The following VPS35 variants were observed in gnomAD, a reference collection of about 807,000 sequenced individuals.
The protein encoded by VPS35 is vacuolar protein sorting-associated protein 35.
A neutral mutation model predicts 98.1 loss-of-function variants in VPS35; 21 were observed. That is an observed-to-expected ratio of 0.21 (90% CI 0.15 to 0.31). The LOEUF is 0.31. VPS35 is among the 10% of genes least tolerant of loss of function. The probability of loss-of-function intolerance (pLI) is 1.00; values close to 1 mark genes in which losing one functional copy is unlikely to be tolerated. For synonymous variants in VPS35, 268 were observed against 318.2 expected, an observed-to-expected ratio of 0.84 and a Z score of 1.68; for missense variants, 554 against 950.8, an observed-to-expected ratio of 0.58 and a Z score of 5.49.
In VPS35 at chr16:46,682,119, G is replaced by A. The variant is rs1312745564; in HGVS notation, c.159C>T (p.Leu53=). The A allele has an allele frequency of 6.2e-7, 1 of 1,613,534 alleles. No individual in the cohort carries two copies. The highest frequency in any genetic ancestry group is 8.5e-7 in the Non-Finnish European group (1 of 1,179,626). Residue 53 remains leucine, a synonymous_variant, in exon 3 of 17, where the codon CTC becomes CTT. Coordinates refer to ENST00000299138, the MANE Select transcript of VPS35 (RefSeq NM_018206.6). ...LKHASNMLGE[L]RTSMLSPKSY... ...TCTTTGGTGATAACATAGAAGTCCG[G>A]AGTTCACCAAGCATATTAGAAGCAT...
intron 13 of VPS35, among the ~76,000 whole-genome samples, chr16:46,664,426 G>A (rs532025113): frequency 6.6e-6 from 1 of 152,282 alleles, no homozygotes; most frequent in East Asian, 1.9e-4. Context: ...CAAAGTGCTA[G>A]GATTACTGGC....
rs1015458114 is a variant in VPS35, at chr16:46,657,765, A to G, written c.*2707T>C. 5.9e-5 allele frequency: 9 copies of G among 152,168 alleles called. No homozygotes were observed. Among genetic ancestry groups the G allele is most frequent in the African/African-American group, 1.9e-4 (8 of 41,418 alleles). The allele number at this position is 152,168 out of a possible 1,614,324, so 9.4% of individuals were successfully genotyped here. On this transcript the variant is annotated 3_prime_UTR_variant, in exon 17 of 17. Coordinates refer to ENST00000299138, the MANE Select transcript of VPS35 (RefSeq NM_018206.6). The stretch of plus-strand genomic sequence containing the variant: ...AGGAAAGGGAGGGTAGGAAAGTCTA[A>G]CACGGCAGGCATCTCTCATCCAGTC...
chr16:46,660,429 C>T lies in VPS35; in HGVS notation c.*43G>A, dbSNP rs765392455. The stretch of plus-strand genomic sequence containing the variant: ...GGGAAACCTAGCGTAATAAAACCCT[C>T]ACTGGATGTACATGGAAAGGAGTAT... On this transcript the variant is annotated 3_prime_UTR_variant, in exon 17 of 17. Coordinates refer to ENST00000299138, the MANE Select transcript of VPS35 (RefSeq NM_018206.6). 3.1e-6 allele frequency: 5 copies of T among 1,608,330 alleles called. No individual in the cohort carries two copies. In the South Asian group the frequency reaches 5.5e-5, roughly 18 times the overall value.
chr16:46,657,280 T>G lies in VPS35; in HGVS notation c.*3192A>C, dbSNP rs1212353848. Reference sequence around the variant, plus strand: ...CAAACAGGAAGGTCTCCTGCACAGATTTCTCTACCTTTCATTTACAATATG... The same window carrying G: ...CAAACAGGAAGGTCTCCTGCACAGAGTTCTCTACCTTTCATTTACAATATG... On this transcript the variant is annotated 3_prime_UTR_variant, in exon 17 of 17. Transcript: ENST00000299138. 2.0e-5 allele frequency: 3 copies of G among 152,318 alleles called. No individual in the cohort carries two copies. The highest frequency in any genetic ancestry group is 3.9e-4 in the East Asian group (2 of 5,178). The allele number at this position is 152,318 out of a possible 1,614,324, so 9.4% of individuals were successfully genotyped here. A position where few individuals can be genotyped will look rare whatever the true frequency, so the allele number is the denominator to read the frequency against.
intron 1 of VPS35, chr16:46,688,866 G>A: frequency 1.4e-6 from 2 of 1,430,506 alleles, no homozygotes; most frequent in Non-Finnish European, 1.8e-6. Flanking sequence ...GGACCCCAAA[G>A]CCTACATGCC....
At chr16:46,662,858 G>T in intron 14 of VPS35, 125 bp downstream of exon 14, 3 of 1,024,156 alleles carry the variant, frequency 2.9e-6, no homozygotes, top group Non-Finnish European at 4.5e-6. Flanking sequence ...CCATGATGGT[G>T]GGAAGGTGGT....
chr16:46,673,946 AT>A (rs201856691), intron 10 of VPS35: 799 of 203,492 alleles, frequency 3.9e-3, no homozygotes, highest in South Asian at 7.6e-3. Context: ...TTTTTTTGGG[AT>A]TTTTTTTTTA....
chr16:46,683,901 T>C (rs1966273646), intron 1 of VPS35, among the ~76,000 whole-genome samples: 1 of 152,162 alleles, frequency 6.6e-6, no homozygotes, highest in African/African-American at 2.4e-5. Flanking sequence ...ATTTTTTTTC[T>C]ATTTTTAGTA....
In VPS35 at chr16:46,689,177, G is replaced by A. The variant is rs1399919740; in HGVS notation, c.-44C>T. On this transcript the variant is annotated 5_prime_UTR_variant, in exon 1 of 17. In the 5' UTR this introduces an upstream ATG that the reference lacks. Coordinates refer to ENST00000299138, the MANE Select transcript of VPS35 (RefSeq NM_018206.6). The stretch of plus-strand genomic sequence containing the variant: ...GCAGCAAGCAGCACCCGCCCCGCGC[G>A]TAGCCTCCCGCGGTCATGTGACGCT... The A allele has an allele frequency of 6.3e-7, 1 of 1,599,296 alleles. No individual in the cohort carries two copies. Among genetic ancestry groups the A allele is most frequent in the Non-Finnish European group, 8.5e-7 (1 of 1,174,192 alleles).
intron 12 of VPS35, 91 bp downstream of exon 12, chr16:46,671,614 A>T (rs1567265520): frequency 6.5e-7 from 1 of 1,549,680 alleles, no homozygotes; most frequent in East Asian, 2.3e-5. Flanking sequence ...AAACCATCTA[A>T]GACCAGAAAG....
chr16:46,679,294 GTGTTAAAT>G, intron 5 of VPS35, 138 bp from the exon 6 acceptor site: 1 of 815,114 alleles, frequency 1.2e-6, no homozygotes, highest in South Asian at 1.7e-5. Context: ...CATTGGCTTA[GTGTTAAAT>G]TTCAAAGGGA....
intron 11 of VPS35, 128 bp downstream of exon 11, chr16:46,672,137 T>C (rs1596716998): frequency 3.6e-6 from 3 of 844,488 alleles, no homozygotes; most frequent in African/African-American, 1.7e-5. Flanking sequence ...TTAATTTATA[T>C]AATGAAAAAG....
intron 13 of VPS35, among the ~76,000 whole-genome samples, chr16:46,667,218 G>A (rs576772861): frequency 6.6e-6 from 1 of 152,194 alleles, no homozygotes; most frequent in Non-Finnish European, 1.5e-5. Flanking sequence ...GATAAATGAT[G>A]TTGAACATCT....
chr16:46,678,385 A>G (rs1326974953), intron 6 of VPS35, among the ~76,000 whole-genome samples: 2 of 151,640 alleles, frequency 1.3e-5, no homozygotes, highest in Non-Finnish European at 2.9e-5. Flanking sequence ...GGCCATATTC[A>G]AGGCTGTCCT....
chr16:46,688,208 CAG>C (rs1480514669), intron 1 of VPS35: 16 of 637,104 alleles, frequency 2.5e-5, no homozygotes, highest in Non-Finnish European at 2.9e-5. Flanking sequence ...CCTATCTACA[CAG>C]AGTGAGTAAG....
At chr16:46,688,629 C>A in intron 1 of VPS35, 1 of 1,011,582 alleles carries the variant, frequency 9.9e-7, no homozygotes, top group Non-Finnish European at 1.2e-6. Context: ...GGGTATGAGG[C>A]CAAGAAAGGC....
chr16:46,686,321 T>C (rs1966314102), intron 1 of VPS35, among the ~76,000 whole-genome samples: 1 of 152,176 alleles, frequency 6.6e-6, no homozygotes, highest in Non-Finnish European at 1.5e-5. Context: ...TTTTGGCTGT[T>C]GTGTATGATA....
rs1247126529 is a variant in VPS35 at position 46,659,780 on chromosome 16, G to C, written c.*692C>G. On this transcript the variant is annotated 3_prime_UTR_variant, in exon 17 of 17. Transcript: ENST00000299138. ...ATGAAGGTGATACATAAATTATATAGATCACAAGTTTTCTTTTATACTATT... is the reference window on the plus strand; with the variant it reads ...ATGAAGGTGATACATAAATTATATACATCACAAGTTTTCTTTTATACTATT... 6.6e-6 allele frequency: 1 copy of C among 151,814 alleles called. No homozygotes were observed. The highest frequency in any genetic ancestry group is 6.6e-5 in the Admixed American group (1 of 15,238). 9.4% of individuals were successfully genotyped at this position (151,814 alleles called of 1,614,324 possible).
intron 13 of VPS35, among the ~76,000 whole-genome samples, chr16:46,666,647 T>C (rs1320931092): frequency 6.6e-6 from 1 of 152,230 alleles, no homozygotes. Flanking sequence ...ATTCTACATA[T>C]AAATGAAGTC....
Sources: allele counts gnomAD v4.1 joint callset (sites outside exome capture counted in the v4.1 genomes callset), GRCh38; gene constraint gnomAD v4.1.1; transcripts MANE v1.5; gene names NCBI Gene and HGNC (gene_info 2026-07-23, HGNC 2026-07-21).